The following EPHA6 variants were observed in gnomAD, a reference collection of about 807,000 sequenced individuals.
The protein encoded by EPHA6 is ephrin type-A receptor 6.
Under a neutral mutation model 112.0 loss-of-function variants are expected in EPHA6, and 50 were observed. That is an observed-to-expected ratio of 0.45 (90% CI 0.36 to 0.56). The LOEUF (loss-of-function observed/expected upper bound fraction) is 0.56, where lower values mean the gene tolerates loss of function less well. Ranked by LOEUF, EPHA6 falls within the 20% of genes least tolerant of loss-of-function variation. EPHA6 has a pLI of 0.00. For synonymous variants in EPHA6, 529 were observed against 490.7 expected (o/e 1.08, Z -1.03); for missense variants, 1,280 against 1,417.4 (o/e 0.90, Z 1.56).
At chr3:97,701,700 A>G (rs1451418138) in intron 14 of EPHA6, among the ~76,000 whole-genome samples, 2 of 151,734 alleles carry the variant, frequency 1.3e-5, no homozygotes, top group African/African-American at 4.8e-5. Flanking sequence ...TGATATACCT[A>G]CCTTCTTTTT....
chr3:97,499,959 C>G (rs1235183027), intron 10 of EPHA6, among the ~76,000 whole-genome samples: 2 of 151,904 alleles, frequency 1.3e-5, no homozygotes, highest in Non-Finnish European at 2.9e-5. Flanking sequence ...ATTTTATAAA[C>G]TTTTTAACTT....
chr3:97,695,125 A>G (rs2032946852), intron 14 of EPHA6, among the ~76,000 whole-genome samples: 1 of 152,242 alleles, frequency 6.6e-6, no homozygotes, highest in African/African-American at 2.4e-5. Context: ...TTATGTTATC[A>G]GCACTCAGAG....
intron 3 of EPHA6, among the ~76,000 whole-genome samples, chr3:97,191,668 T>C (rs2108479561): frequency 6.6e-6 from 1 of 152,290 alleles, no homozygotes; most frequent in African/African-American, 2.4e-5. Flanking sequence ...CTTTCACGGC[T>C]GACTAGTATT....
intron 3 of EPHA6, among the ~76,000 whole-genome samples, chr3:97,157,015 T>G (rs1172087870): frequency 2.6e-5 from 4 of 152,134 alleles, no homozygotes; most frequent in Admixed American, 1.3e-4. Flanking sequence ...AAGTACAGTT[T>G]CATATTGAAG....
chr3:97,506,877 G>A (rs1410793526), intron 10 of EPHA6, among the ~76,000 whole-genome samples: 1 of 152,102 alleles, frequency 6.6e-6, no homozygotes, highest in African/African-American at 2.4e-5. Flanking sequence ...CCTTGAAGAA[G>A]TCCTTCACAT....
chr3:97,062,584 T>A (rs1455790248), intron 3 of EPHA6, among the ~76,000 whole-genome samples: 1 of 152,194 alleles, frequency 6.6e-6, no homozygotes, highest in African/African-American at 2.4e-5. Flanking sequence ...GCTCCTATAA[T>A]TCCCATGTGT....
intron 14 of EPHA6, among the ~76,000 whole-genome samples, chr3:97,646,852 AG>A (rs1454319541): frequency 6.6e-6 from 1 of 152,166 alleles, no homozygotes; most frequent in African/African-American, 2.4e-5. Flanking sequence ...GGTTCCTCCA[AG>A]GCTGAAGAAA....
chr3:97,310,277 A>G (rs779432908), intron 5 of EPHA6, among the ~76,000 whole-genome samples: 19 of 151,774 alleles, frequency 1.3e-4, no homozygotes, highest in East Asian at 1.9e-4. Context: ...CTGGCAGGCA[A>G]TGGGTGTTGT....
At chr3:97,199,873 G>T (rs1454473155) in intron 3 of EPHA6, among the ~76,000 whole-genome samples, 1 of 152,070 alleles carries the variant, frequency 6.6e-6, no homozygotes, top group Non-Finnish European at 1.5e-5. Flanking sequence ...TCGGATGCTG[G>T]GGGGGTGACA....
intron 2 of EPHA6, among the ~76,000 whole-genome samples, chr3:96,908,473 C>T (rs2039049783): frequency 6.6e-6 from 1 of 151,852 alleles, no homozygotes; most frequent in Non-Finnish European, 1.5e-5. Flanking sequence ...AATTTTATGT[C>T]ATATACTTCT....
intron 14 of EPHA6, among the ~76,000 whole-genome samples, chr3:97,703,266 C>T (rs1045432559): frequency 6.6e-6 from 1 of 152,126 alleles, no homozygotes; most frequent in South Asian, 2.1e-4. Flanking sequence ...AAATGACTGA[C>T]CTCATGTTTC....
chr3:97,196,259 G>T (rs1376483397), intron 3 of EPHA6, among the ~76,000 whole-genome samples: 1 of 151,404 alleles, frequency 6.6e-6, no homozygotes, highest in Non-Finnish European at 1.5e-5. Context: ...CAGTTCTGGT[G>T]TTGAGAGACT....
chr3:97,736,079 AT>A lies in EPHA6; in HGVS notation c.3090del (p.Ser1032ValfsTer12), dbSNP rs1173599672. 1.9e-6 allele frequency: 3 copies of A among 1,612,434 alleles called. No individual in the cohort carries two copies. In the Admixed American group the frequency reaches 5.0e-5, roughly 27 times the overall value. ...IVSFLDKLIR[N>X]PSALHTLVED... ...AGCTTCCTTGACAAACTGATCCGAA[AT>A]CCCAGTGCCCTTCACACCCTGGTGG... On this transcript the variant is annotated frameshift_variant, in exon 16 of 18. Transcript: ENST00000389672. LOFTEE classifies it high-confidence loss of function.
At chr3:96,877,356 T>C (rs916889441) in intron 2 of EPHA6, among the ~76,000 whole-genome samples, 2 of 152,122 alleles carry the variant, frequency 1.3e-5, no homozygotes, top group African/African-American at 4.8e-5. Flanking sequence ...TGGAAAGATA[T>C]TGACCTACAA....
At chr3:97,530,840 T>TA (rs2092687415) in intron 10 of EPHA6, among the ~76,000 whole-genome samples, 2 of 152,010 alleles carry the variant, frequency 1.3e-5, no homozygotes, top group Non-Finnish European at 2.9e-5. Context: ...TTATTTTGCC[T>TA]AAAAAATCTT....
chr3:97,061,810 G>GTA (rs2046030522), intron 3 of EPHA6, among the ~76,000 whole-genome samples: 1 of 152,082 alleles, frequency 6.6e-6, no homozygotes, highest in Non-Finnish European at 1.5e-5. Flanking sequence ...GCATACTATA[G>GTA]TATGTGCTAT....
intron 14 of EPHA6, among the ~76,000 whole-genome samples, chr3:97,703,844 G>A (rs377564989): frequency 7.9e-5 from 12 of 151,988 alleles, no homozygotes; most frequent in African/African-American, 1.7e-4. Flanking sequence ...AAAATTGTTC[G>A]TATAGAATTT....
intron 5 of EPHA6, among the ~76,000 whole-genome samples, chr3:97,386,290 G>A (rs1456411210): frequency 2.6e-5 from 4 of 152,080 alleles, no homozygotes; most frequent in African/African-American, 9.7e-5. Context: ...CTAATTTCAG[G>A]TATGTCATTA....
chr3:97,500,140 A>G (rs1010275493), intron 10 of EPHA6, among the ~76,000 whole-genome samples: 8 of 152,072 alleles, frequency 5.3e-5, no homozygotes, highest in Admixed American at 5.2e-4. Flanking sequence ...CATACACATG[A>G]GCTTAGGTCT....
Sources: gnomAD v4.1 joint callset for allele counts (sites outside exome capture counted in the v4.1 genomes callset) on GRCh38, gnomAD v4.1.1 for gene constraint, MANE v1.5 for transcripts, NCBI Gene and HGNC (gene_info 2026-07-23, HGNC 2026-07-21) for gene names.